The following INPP4A variants were observed in gnomAD, a reference collection of about 807,000 sequenced individuals.
INPP4A encodes the protein inositol polyphosphate-4-phosphatase type I A, also known as inositol polyphosphate-4-phosphatase, type I, 107kD.
A neutral mutation model predicts 119.8 loss-of-function variants in INPP4A; 33 were observed. The ratio of observed to expected loss-of-function variants is 0.28; its 90% CI spans 0.21 to 0.37. The LOEUF (loss-of-function observed/expected upper bound fraction) is 0.37, where lower values mean the gene tolerates loss of function less well. Ranked by LOEUF, INPP4A falls within the 10% of genes least tolerant of loss-of-function variation. The probability of loss-of-function intolerance (pLI) is 1.00; values close to 1 mark genes in which losing one functional copy is unlikely to be tolerated. For synonymous variants in INPP4A, 496 were observed against 500.7 expected (o/e 0.99, Z 0.12); for missense variants, 956 against 1,289.9 (o/e 0.74, Z 3.97).
intron 1 of INPP4A, among the ~76,000 whole-genome samples, chr2:98,497,552 TG>T (rs1248943123): frequency 6.6e-6 from 1 of 152,274 alleles, no homozygotes. Context: ...CATCTTCTTT[TG>T]GGAAATGTCT....
chr2:98,559,377 C>T lies in INPP4A; in HGVS notation c.1823-86C>T, dbSNP rs569114591. ...TAGCCGCCTTACTGCAAGCTGCTGA[C>T]GCAGCTGCTGCTCTGAGATTGAGTT... On this transcript the variant is annotated intron_variant, in intron 16 of 24. Transcript: ENST00000409851. 279 of 1,460,382 alleles carry T rather than the reference C, an allele frequency of 1.9e-4. 1 individual carries two copies. The highest frequency in any genetic ancestry group is 1.6e-3 in the African/African-American group (116 of 71,936). 90.5% of individuals were successfully genotyped at this position (1,460,382 alleles called of 1,614,324 possible). A position where few individuals can be genotyped will look rare whatever the true frequency, so the allele number is the denominator to read the frequency against.
intron 1 of INPP4A, among the ~76,000 whole-genome samples, chr2:98,496,651 A>G (rs561490471): frequency 6.6e-6 from 1 of 152,372 alleles, no homozygotes; most frequent in Admixed American, 6.5e-5. Flanking sequence ...GAAACATACA[A>G]GGAACTCAAA....
chr2:98,510,211 A>T (rs1347506141), intron 1 of INPP4A, among the ~76,000 whole-genome samples: 1 of 152,146 alleles, frequency 6.6e-6, no homozygotes, highest in Non-Finnish European at 1.5e-5. Flanking sequence ...AGAGTTGTCA[A>T]TGGATTGGAT....
chr2:98,563,061 T>C (rs1695777680), intron 17 of INPP4A, among the ~76,000 whole-genome samples: 2 of 152,200 alleles, frequency 1.3e-5, no homozygotes, highest in Admixed American at 6.5e-5. Context: ...TTTCTGGGTG[T>C]CCTTCCTCTC....
chr2:98,460,051 C>G (rs1035205437), intron 1 of INPP4A, among the ~76,000 whole-genome samples: 1 of 143,988 alleles, frequency 6.9e-6, no homozygotes, highest in Non-Finnish European at 1.5e-5. Flanking sequence ...GAACCTAGGT[C>G]TGCTTCCACT....
intron 18 of INPP4A, 66 bp from the exon 19 acceptor site, chr2:98,564,574 A>T: frequency 1.3e-6 from 2 of 1,599,836 alleles, no homozygotes; most frequent in East Asian, 2.2e-5. Context: ...GGGGCTGGGC[A>T]TGATCTGACT....
At chr2:98,567,328 A>G (rs1263024956) in intron 21 of INPP4A, among the ~76,000 whole-genome samples, 1 of 152,088 alleles carries the variant, frequency 6.6e-6, no homozygotes, top group Non-Finnish European at 1.5e-5. Context: ...AGGAGAGTAC[A>G]CCAGACAGAC....
chr2:98,457,429 T>C (rs1445222655), intron 1 of INPP4A, among the ~76,000 whole-genome samples: 4 of 152,182 alleles, frequency 2.6e-5, no homozygotes, highest in Non-Finnish European at 5.9e-5. Context: ...ACATGAGCTA[T>C]GACTAAATTC....
intron 24 of INPP4A, among the ~76,000 whole-genome samples, chr2:98,584,192 C>A (rs981488212): frequency 4.6e-5 from 7 of 152,218 alleles, no homozygotes; most frequent in African/African-American, 9.7e-5. Flanking sequence ...TTGCCACTTT[C>A]CCTCTTTCAC....
intron 1 of INPP4A, among the ~76,000 whole-genome samples, chr2:98,471,519 G>A (rs1341471909): frequency 1.3e-5 from 2 of 152,178 alleles, no homozygotes; most frequent in Non-Finnish European, 1.5e-5. Context: ...CTGGTGGATG[G>A]AAGTAAGGTT....
In INPP4A at chr2:98,538,767, A is replaced by G. The variant is rs1377987647; in HGVS notation, c.580-124A>G. The G allele has an allele frequency of 6.6e-6, 4 of 604,630 alleles. No homozygotes were observed. In the Admixed American group the frequency reaches 1.1e-4, roughly 16 times the overall value. 37.5% of individuals were successfully genotyped at this position (604,630 alleles called of 1,614,324 possible). On this transcript the variant is annotated intron_variant, in intron 8 of 24. Coordinates refer to ENST00000409851, the MANE Select transcript of INPP4A (RefSeq NM_001134225.2). ...GGCTTGGGCAGCATATTTATTGTAG[A>G]GTTCATGGTGGATATTCATCTTAAG...
intron 22 of INPP4A, 90 bp from the exon 23 acceptor site, chr2:98,572,725 G>A: frequency 1.3e-6 from 1 of 787,210 alleles, no homozygotes; most frequent in Non-Finnish European, 2.0e-6. Flanking sequence ...TTACCACTGT[G>A]TGCCCCAGCA....
rs186886736 is a variant in INPP4A, at chr2:98,569,281, G to A, written c.2518+613G>A. ...AGTGAATATTCCCTGAGGACCTGCT[G>A]TGTGTAAAGTGCTAGAGGATCCGAT... is the stretch of plus-strand genomic sequence containing the variant. On this transcript the variant is annotated intron_variant, in intron 22 of 24. Transcript: ENST00000409851. The surrounding 1 kb of genome is among the most constrained non-coding windows in gnomAD (Gnocchi z 5.1). The A allele has an allele frequency of 6.5e-6, 1 of 152,724 alleles. No individual in the cohort carries two copies. Among genetic ancestry groups the A allele is most frequent in the African/African-American group, 2.4e-5 (1 of 41,584 alleles). 9.5% of individuals were successfully genotyped at this position (152,724 alleles called of 1,614,324 possible).
At chr2:98,581,834 G>T (rs1020105205) in intron 24 of INPP4A, 2 of 1,509,672 alleles carry the variant, frequency 1.3e-6, no homozygotes, top group Non-Finnish European at 1.8e-6. Flanking sequence ...TACCTAACTG[G>T]ACAGAAGGAA....
chr2:98,580,915 G>A (rs1259834514), intron 24 of INPP4A, among the ~76,000 whole-genome samples: 3 of 152,236 alleles, frequency 2.0e-5, no homozygotes, highest in African/African-American at 7.2e-5. Flanking sequence ...GGTATTGTTT[G>A]GATTCCACCC....
rs753496547 is a variant in INPP4A, at chr2:98,548,906, A to G, written c.1163+2212A>G. 3.8e-6 allele frequency: 6 copies of G among 1,567,102 alleles called. No homozygotes were observed. The South Asian group carries it at 7.1e-5, about 19-fold the overall frequency. On this transcript the variant is annotated intron_variant, in intron 13 of 24. Coordinates refer to ENST00000409851, the MANE Select transcript of INPP4A (RefSeq NM_001134225.2). ...TTAATTTTTTGTTTTTGCATTTGGT[A>G]TTTGCTAACAAACTGCTAATATTTC...
Position 98,593,579 on chromosome 2 carries a change from C to CT in INPP4A, c.*5972dup, listed in dbSNP as rs887829245. The CT allele has an allele frequency of 5.3e-5, 8 of 152,264 alleles. No individual in the cohort carries two copies. Among genetic ancestry groups the CT allele is most frequent in the South Asian group, 2.1e-4 (1 of 4,828 alleles). 9.4% of individuals were successfully genotyped at this position (152,264 alleles called of 1,614,324 possible). On this transcript the variant is annotated 3_prime_UTR_variant, in exon 25 of 25. Transcript: ENST00000409851. ...TAAATTTCTAGGTCCATCCCAGACT[C>CT]TCCCCCAAGGTCCAGATTACCTATA...
At chr2:98,577,339 G>T (rs1282636191) in intron 24 of INPP4A, among the ~76,000 whole-genome samples, 196 bp downstream of exon 24, 1 of 152,144 alleles carries the variant, frequency 6.6e-6, no homozygotes, top group Non-Finnish European at 1.5e-5. Flanking sequence ...AAGGTAAGGT[G>T]GGGGGTAACA....
chr2:98,504,850 A>T (rs189661876), intron 1 of INPP4A, among the ~76,000 whole-genome samples: 31 of 152,332 alleles, frequency 2.0e-4, no homozygotes, highest in African/African-American at 7.2e-4. Context: ...GCGCTGTAGA[A>T]GGAAATGATG....
Sources: allele counts gnomAD v4.1 joint callset (sites outside exome capture counted in the v4.1 genomes callset), GRCh38; gene constraint gnomAD v4.1.1; non-coding constraint Gnocchi (gnomAD v3.1); transcripts MANE v1.5; gene names NCBI Gene and HGNC (gene_info 2026-07-23, HGNC 2026-07-21).